The following PAPPA2 variants were observed in gnomAD, a reference collection of about 807,000 sequenced individuals.
The protein encoded by PAPPA2 is pappalysin 2.
In PAPPA2, 86 loss-of-function variants were observed where a neutral mutation model predicts 176.4. That is an observed-to-expected ratio of 0.49 (90% CI 0.41 to 0.58). The LOEUF (loss-of-function observed/expected upper bound fraction) is 0.58. Ranked by LOEUF, PAPPA2 falls within the 20% of genes least tolerant of loss-of-function variation. The probability of loss-of-function intolerance (pLI) is 0.00; values close to 1 mark genes in which losing one functional copy is unlikely to be tolerated. For synonymous variants in PAPPA2, 809 were observed against 852.2 expected (o/e 0.95, Z 0.88); for missense variants, 2,073 against 2,256.9 (o/e 0.92, Z 1.65).
intron 3 of PAPPA2, among the ~76,000 whole-genome samples, chr1:176,648,728 A>G (rs571739160): frequency 2.3e-4 from 35 of 151,650 alleles, no homozygotes; most frequent in African/African-American, 8.2e-4. Context: ...AATGTAATGT[A>G]TCATGTTTAT....
chr1:176,635,620 T>G (rs1430167348), intron 3 of PAPPA2, among the ~76,000 whole-genome samples: 1 of 152,208 alleles, frequency 6.6e-6, no homozygotes, highest in African/African-American at 2.4e-5. Context: ...TTCTCCTCTC[T>G]TAATTTCTTG....
intron 21 of PAPPA2, among the ~76,000 whole-genome samples, chr1:176,834,785 C>T (rs1460640823): frequency 2.6e-5 from 4 of 152,154 alleles, no homozygotes; most frequent in Non-Finnish European, 5.9e-5. Context: ...GCCTGACCAA[C>T]ATGGTGAAAC....
chr1:176,782,874 A>G lies in PAPPA2; in HGVS notation c.4716-6935A>G, dbSNP rs545363595. ...GTGGGGTGTCCAGTTAAGAGGTGAG[A>G]GTTGGTGGCTTGTGTTAATGTTTGT... is the stretch of plus-strand genomic sequence containing the variant. On this transcript the variant is annotated intron_variant, in intron 17 of 22. Coordinates refer to ENST00000367662, the MANE Select transcript of PAPPA2 (RefSeq NM_020318.3). Among the ~76,000 whole-genome samples the G allele has an allele frequency of 5.3e-5, 8 of 152,236 alleles. No individual in the cohort carries two copies. In the East Asian group the frequency reaches 1.4e-3, roughly 26 times the overall value.
At position 176,501,754 on chromosome 1, in the gene PAPPA2, A is replaced by G. The variant is rs137981632; in HGVS notation, c.-917+38336A>G. 1.5e-3 allele frequency among the ~76,000 whole-genome samples: 229 copies of G among 152,256 alleles called. 1 individual carries two copies. The highest frequency in any genetic ancestry group is 2.9e-3 in the East Asian group (15 of 5,176). On this transcript the variant is annotated intron_variant, in intron 1 of 22. Coordinates refer to ENST00000367662, the MANE Select transcript of PAPPA2 (RefSeq NM_020318.3). ...TTGACCATTCCTTAAGTGGCTGAGTAAAAAACAACAACATGTCTCAGAGGA... is the reference window on the plus strand; with the variant it reads ...TTGACCATTCCTTAAGTGGCTGAGTGAAAAACAACAACATGTCTCAGAGGA...
chr1:176,607,040 T>C (rs1172802139), intron 3 of PAPPA2, among the ~76,000 whole-genome samples: 1 of 152,114 alleles, frequency 6.6e-6, no homozygotes, highest in African/African-American at 2.4e-5. Context: ...AACAGATATA[T>C]ATGTTTTATT....
At chr1:176,564,652 A>G (rs984562478) in intron 2 of PAPPA2, among the ~76,000 whole-genome samples, 21 of 152,028 alleles carry the variant, frequency 1.4e-4, no homozygotes, top group Non-Finnish European at 2.2e-4. Context: ...TATTTCTTGC[A>G]GGAAACAAGT....
intron 21 of PAPPA2, among the ~76,000 whole-genome samples, chr1:176,802,397 C>T (rs1483468086): frequency 1.3e-5 from 2 of 152,064 alleles, no homozygotes; most frequent in Non-Finnish European, 2.9e-5. Context: ...ACAAGAGAGG[C>T]TGAAACTGGC....
In PAPPA2 at chr1:176,556,993, A is replaced by C; in HGVS notation, c.671A>C (p.Lys224Thr). ...GISSHFQPWP[K>T]HSLKHRVKKS... ...TCTTCACATTTCCAACCTTGGCCCAAGCATTCCCTTAAACACAGGGTCAAA... is the reference window on the plus strand; with the variant it reads ...TCTTCACATTTCCAACCTTGGCCCACGCATTCCCTTAAACACAGGGTCAAA... Residue 224 changes from lysine to threonine, a missense_variant, in exon 2 of 23, where the codon AAG (lysine) becomes ACG (threonine). Around this residue, in one of 4 missense-constraint regions of PAPPA2, gnomAD observed 1,196 missense variants for 1,330.4 expected, o/e 0.90. Transcript: ENST00000367662. The C allele has an allele frequency of 1.2e-6, 2 of 1,614,150 alleles. No individual in the cohort carries two copies. Among genetic ancestry groups the C allele is most frequent in the Non-Finnish European group, 1.7e-6 (2 of 1,180,024 alleles).
intron 3 of PAPPA2, among the ~76,000 whole-genome samples, chr1:176,621,385 G>A (rs957459435): frequency 3.9e-5 from 6 of 151,990 alleles, no homozygotes; most frequent in African/African-American, 7.2e-5. Context: ...ATAGACAAAC[G>A]GGGGATATCC....
rs1397132012 is a variant in PAPPA2, at chr1:176,595,401, G to A, written c.1797G>A (p.Glu599=). The part of the protein sequence containing the change: ...SKIGNDHCDP[E]CEHPLTGYDG... ...TTGGCAATGACCATTGTGACCCCGA[G>A]TGTGAGCACCCACTCACAGGCTATG... Residue 599 remains glutamate, a synonymous_variant, in exon 3 of 23, where the codon GAG becomes GAA. Transcript: ENST00000367662. 4.3e-6 allele frequency: 7 copies of A among 1,614,186 alleles called. No individual in the cohort carries two copies. Among genetic ancestry groups the A allele is most frequent in the Middle Eastern group, 1.6e-4 (1 of 6,062 alleles).
rs185222047 is a variant in PAPPA2 at position 176,721,071 on chromosome 1, C to T, written c.3798+9090C>T. Among the ~76,000 whole-genome samples, 230 of 152,310 alleles carry T rather than the reference C, an allele frequency of 1.5e-3. 2 individuals carry two copies. Among genetic ancestry groups the T allele is most frequent in the Admixed American group, 2.5e-3 (38 of 15,306 alleles). On this transcript the variant is annotated intron_variant, in intron 12 of 22. Transcript: ENST00000367662. ...TCAGTCTGCTGACTCACATGACAGT[C>T]TCCTCCAGAAACACCATACAAACAC...
intron 3 of PAPPA2, among the ~76,000 whole-genome samples, chr1:176,639,801 G>A (rs988985602): frequency 7.3e-5 from 11 of 151,036 alleles, no homozygotes; most frequent in African/African-American, 2.4e-4. Context: ...TGCAACCTCC[G>A]GGAGGAATGC....
chr1:176,766,573 G>C (rs1223468826), intron 15 of PAPPA2, among the ~76,000 whole-genome samples: 1 of 152,144 alleles, frequency 6.6e-6, no homozygotes, highest in Admixed American at 6.5e-5. Flanking sequence ...ATCTGATTGA[G>C]TTATTATGAT....
At chr1:176,536,320 TA>T (rs1469591990) in intron 1 of PAPPA2, among the ~76,000 whole-genome samples, 1 of 152,226 alleles carries the variant, frequency 6.6e-6, no homozygotes, top group Non-Finnish European at 1.5e-5. Context: ...ATGACTGTAA[TA>T]ATAATGACAG....
At chr1:176,775,332 T>C (rs1664407930) in intron 17 of PAPPA2, among the ~76,000 whole-genome samples, 2 of 152,134 alleles carry the variant, frequency 1.3e-5, no homozygotes, top group African/African-American at 4.8e-5. Context: ...ATGCTAAAAA[T>C]AGTAAAGGAA....
chr1:176,606,429 A>C (rs1165655810), intron 3 of PAPPA2, among the ~76,000 whole-genome samples: 1 of 152,186 alleles, frequency 6.6e-6, no homozygotes, highest in Non-Finnish European at 1.5e-5. Context: ...AAGGAAAACT[A>C]CTATGGGCTT....
chr1:176,697,268 T>C (rs1199893217), intron 7 of PAPPA2, among the ~76,000 whole-genome samples: 1 of 152,164 alleles, frequency 6.6e-6, no homozygotes, highest in Admixed American at 6.5e-5. Context: ...ATAAAAACTT[T>C]TTGACTGGCA....
intron 3 of PAPPA2, among the ~76,000 whole-genome samples, chr1:176,608,465 T>G (rs1654735633): frequency 6.6e-6 from 1 of 152,232 alleles, no homozygotes; most frequent in African/African-American, 2.4e-5. Flanking sequence ...CTTATGAATT[T>G]GCGGTGCAAA....
intron 3 of PAPPA2, chr1:176,616,412 A>C: frequency 1.6e-6 from 1 of 623,776 alleles, no homozygotes; most frequent in Non-Finnish European, 3.0e-6. Context: ...CTGCATCTTC[A>C]TGTTTCATTC....
Sources: allele counts gnomAD v4.1 joint callset (sites outside exome capture counted in the v4.1 genomes callset), GRCh38; gene constraint gnomAD v4.1.1; regional missense constraint gnomAD v4.1.1; transcripts MANE v1.5; gene names NCBI Gene and HGNC (gene_info 2026-07-23, HGNC 2026-07-21).